Variants in HSDL2 observed in about 807,000 individuals in gnomAD.
HSDL2 encodes the protein hydroxysteroid dehydrogenase-like protein 2.
HSDL2 carries 27 observed loss-of-function variants against 46.3 expected under a neutral mutation model. That is an observed-to-expected ratio of 0.58 (90% CI 0.43 to 0.80). HSDL2 has a LOEUF of 0.80. HSDL2 is among the 30% of genes least tolerant of loss of function. The pLI is 0.00. For synonymous variants in HSDL2, 153 were observed against 163.6 expected (o/e 0.94, Z 0.50); for missense variants, 451 against 502.7 (o/e 0.90, Z 0.98).
intron 4 of HSDL2, among the ~76,000 whole-genome samples, chr9:112,414,803 T>C (rs1267027264): frequency 5.3e-5 from 8 of 152,208 alleles, no homozygotes; most frequent in Non-Finnish European, 1.2e-4. Flanking sequence ...ATGAAAACAG[T>C]ATCTACCAAA....
chr9:112,453,208 C>T (rs1459151178), intron 8 of HSDL2, among the ~76,000 whole-genome samples: 2 of 152,134 alleles, frequency 1.3e-5, no homozygotes, highest in African/African-American at 4.8e-5. Context: ...AGAAAGTACA[C>T]TTGGGTGTTG....
rs143212905 is a variant in HSDL2, at chr9:112,391,550, T to G, written c.17+11370T>G. ...AGCCACAAATGAAAAGATACTGAAATGTATGTAATTTATAGACTTGTATGA... is the reference window on the plus strand; with the variant it reads ...AGCCACAAATGAAAAGATACTGAAAGGTATGTAATTTATAGACTTGTATGA... On this transcript the variant is annotated intron_variant, in intron 1 of 10. Transcript: ENST00000398805. Among the ~76,000 whole-genome samples the G allele has an allele frequency of 4.9e-3, 738 of 152,088 alleles. 4 individuals are homozygous for G. The highest frequency in any genetic ancestry group is 8.1e-3 in the Non-Finnish European group (550 of 67,998).
chr9:112,454,103 A>C lies in HSDL2; in HGVS notation c.956A>C (p.Asp319Ala), dbSNP rs1370416259. 1 of 1,613,736 alleles carries C rather than the reference A, an allele frequency of 6.2e-7. No homozygotes were observed. The highest frequency in any genetic ancestry group is 8.5e-7 in the Non-Finnish European group (1 of 1,179,858). Residue 319 changes from aspartate (D) to alanine (A), a missense_variant, in exon 9 of 11, where the codon GAC (aspartate) becomes GCC (alanine). Transcript: ENST00000398805. ...AVEETFRIVK[D>A]SLSDDVVKAT... ...GAAGAAACATTTAGAATTGTTAAGG[A>C]CTCTCTCAGTGATGATGTTGTTAAA...
At chr9:112,437,714 A>C (rs1832558110) in intron 6 of HSDL2, among the ~76,000 whole-genome samples, 1 of 152,212 alleles carries the variant, frequency 6.6e-6, no homozygotes, top group Admixed American at 6.5e-5. Flanking sequence ...TTTGGCATTA[A>C]GACTGTTGGT....
chr9:112,457,487 A>G (rs1184623710), intron 9 of HSDL2, among the ~76,000 whole-genome samples: 1 of 151,998 alleles, frequency 6.6e-6, no homozygotes, highest in African/African-American at 2.4e-5. Flanking sequence ...CAAAAATAAA[A>G]ATAAAAAATT....
rs1587931330 is a variant in HSDL2 at position 112,397,135 on chromosome 9, G to T, written c.18-6860G>T. On this transcript the variant is annotated intron_variant, in intron 1 of 10. Transcript: ENST00000398805. ...CTTGGCTGCTTTTAAGTTTTTAATGGTGCAGTTTGTTCGAGTATGACCAAG... is the reference window on the plus strand; with the variant it reads ...CTTGGCTGCTTTTAAGTTTTTAATGTTGCAGTTTGTTCGAGTATGACCAAG... 1.3e-5 allele frequency among the ~76,000 whole-genome samples: 2 copies of T among 152,230 alleles called. 1 individual carries two copies. The highest frequency in any genetic ancestry group is 3.9e-4 in the East Asian group (2 of 5,174).
intron 1 of HSDL2, among the ~76,000 whole-genome samples, chr9:112,381,090 C>CACACACACACACACACACACAA (rs1400262756): frequency 9.7e-5 from 13 of 133,632 alleles, no homozygotes; most frequent in African/African-American, 3.4e-4. Flanking sequence ...CATCCGGATA[C>CACACACACACACACACACACAA]ACACACACAC....
chr9:112,408,170 A>G (rs1332809032), intron 3 of HSDL2, among the ~76,000 whole-genome samples: 2 of 152,028 alleles, frequency 1.3e-5, no homozygotes, highest in Non-Finnish European at 2.9e-5. Flanking sequence ...GCCTTGGGGG[A>G]AGGGAGACTA....
chr9:112,465,746 C>T (rs1833356700), intron 10 of HSDL2, among the ~76,000 whole-genome samples: 1 of 152,196 alleles, frequency 6.6e-6, no homozygotes, highest in East Asian at 1.9e-4. Context: ...ATTTCTTTTT[C>T]TGGCTGAATA....
intron 1 of HSDL2, among the ~76,000 whole-genome samples, chr9:112,385,377 G>A (rs1009943909): frequency 6.6e-6 from 1 of 151,940 alleles, no homozygotes; most frequent in Non-Finnish European, 1.5e-5. Flanking sequence ...CGCCCAGGAT[G>A]GAGTGCAGTG....
chr9:112,431,514 C>T (rs1832399472), intron 6 of HSDL2, among the ~76,000 whole-genome samples: 1 of 152,086 alleles, frequency 6.6e-6, no homozygotes, highest in African/African-American at 2.4e-5. Flanking sequence ...ATGTTGTCTC[C>T]ACCCAAATCT....
chr9:112,455,187 C>T (rs527964245), intron 9 of HSDL2, among the ~76,000 whole-genome samples: 4 of 151,944 alleles, frequency 2.6e-5, no homozygotes, highest in East Asian at 1.9e-4. Flanking sequence ...ACACTGCGAT[C>T]GCATCTGTGA....
At chr9:112,399,925 G>A (rs1351635533) in intron 1 of HSDL2, among the ~76,000 whole-genome samples, 2 of 152,160 alleles carry the variant, frequency 1.3e-5, no homozygotes, top group African/African-American at 4.8e-5. Flanking sequence ...TGGTCCTGAG[G>A]TGACGTACAT....
intron 8 of HSDL2, among the ~76,000 whole-genome samples, chr9:112,448,572 G>A (rs550393388): frequency 1.3e-3 from 196 of 149,754 alleles, no homozygotes; most frequent in African/African-American, 4.5e-3. Context: ...TTATTGAGAC[G>A]GAGTCTTGCT....
intron 1 of HSDL2, among the ~76,000 whole-genome samples, chr9:112,403,120 G>T (rs1050356471): frequency 7.9e-5 from 12 of 152,176 alleles, no homozygotes; most frequent in African/African-American, 2.9e-4. Context: ...CCACTATGCA[G>T]TCATTTAAAA....
chr9:112,469,828 C>T (rs1300284325), intron 10 of HSDL2: 5 of 152,154 alleles, frequency 3.3e-5, no homozygotes, highest in Non-Finnish European at 7.3e-5. Flanking sequence ...TGATAGACCC[C>T]GTACTGACAC....
chr9:112,381,259 A>G (rs1831088105), intron 1 of HSDL2, among the ~76,000 whole-genome samples: 1 of 152,092 alleles, frequency 6.6e-6, no homozygotes, highest in Non-Finnish European at 1.5e-5. Flanking sequence ...TTGAACTCCC[A>G]GGCTGATGTT....
chr9:112,415,032 G>T (rs1001864162), intron 4 of HSDL2, among the ~76,000 whole-genome samples: 2 of 151,892 alleles, frequency 1.3e-5, no homozygotes, highest in Non-Finnish European at 2.9e-5. Flanking sequence ...AGCTAAATTT[G>T]TAGCTAAAAT....
chr9:112,437,802 A>G (rs1431252490), intron 6 of HSDL2, among the ~76,000 whole-genome samples: 1 of 152,232 alleles, frequency 6.6e-6, no homozygotes, highest in African/African-American at 2.4e-5. Flanking sequence ...CTCTTCAGTT[A>G]TTCCTTAAAC....
Sources: gnomAD v4.1 joint callset for allele counts (sites outside exome capture counted in the v4.1 genomes callset) on GRCh38, gnomAD v4.1.1 for gene constraint, MANE v1.5 for transcripts, NCBI Gene and HGNC (gene_info 2026-07-23, HGNC 2026-07-21) for gene names.